The following BABAM2 variants were observed in gnomAD, a reference collection of about 807,000 sequenced individuals.
BABAM2 encodes BRISC and BRCA1-A complex member 2.
BABAM2 carries 31 observed loss-of-function variants against 54.7 expected under a neutral mutation model. That is an observed-to-expected ratio of 0.57 (90% CI 0.43 to 0.77). The LOEUF (loss-of-function observed/expected upper bound fraction) is 0.77, where lower values mean the gene tolerates loss of function less well. Among genes scored for constraint, BABAM2 ranks in the 30% least tolerant of loss-of-function variants. The probability of loss-of-function intolerance (pLI) is 0.00; values close to 1 mark genes in which losing one functional copy is unlikely to be tolerated. For synonymous variants in BABAM2, 167 were observed against 162.9 expected (o/e 1.03, Z -0.19); for missense variants, 364 against 455.8 (o/e 0.80, Z 1.83).
intron 10 of BABAM2, among the ~76,000 whole-genome samples, chr2:28,264,714 C>A (rs1457519780): frequency 6.6e-6 from 1 of 152,122 alleles, no homozygotes; most frequent in Non-Finnish European, 1.5e-5. Context: ...ACCAAGGGGA[C>A]AAAATACTTC....
At chr2:28,211,937 T>C (rs1573853800) in intron 7 of BABAM2, among the ~76,000 whole-genome samples, 2 of 152,198 alleles carry the variant, frequency 1.3e-5, no homozygotes, top group African/African-American at 4.8e-5. Context: ...TAGTGGTTGG[T>C]TTGTTCAAAT....
intron 6 of BABAM2, among the ~76,000 whole-genome samples, chr2:28,090,025 A>T (rs1467064651): frequency 6.6e-6 from 1 of 152,148 alleles, no homozygotes; most frequent in African/African-American, 2.4e-5. Flanking sequence ...ACAAGTTAGC[A>T]GAGCACAGAT....
At chr2:27,973,297 T>G (rs895890454) in intron 3 of BABAM2, among the ~76,000 whole-genome samples, 4 of 152,186 alleles carry the variant, frequency 2.6e-5, no homozygotes. Context: ...ATCTTTTCTT[T>G]CCATATCTCC....
At chr2:28,320,619 G>A (rs113569344) in intron 11 of BABAM2, among the ~76,000 whole-genome samples, 6 of 152,354 alleles carry the variant, frequency 3.9e-5, no homozygotes, top group Non-Finnish European at 5.9e-5. Flanking sequence ...GCAGCCTGCC[G>A]TGGCCAGGCA....
intron 6 of BABAM2, among the ~76,000 whole-genome samples, chr2:28,098,249 A>G (rs576695883): frequency 6.6e-6 from 1 of 152,256 alleles, no homozygotes; most frequent in Non-Finnish European, 1.5e-5. Context: ...TCATCTTTGA[A>G]TAAGTCTCTA....
At chr2:27,902,053 C>G (rs1183954919) in intron 2 of BABAM2, among the ~76,000 whole-genome samples, 3 of 151,788 alleles carry the variant, frequency 2.0e-5, no homozygotes, top group Non-Finnish European at 4.4e-5. Context: ...GTGAATATGC[C>G]CTTAATTTTA....
chr2:28,159,882 GAA>G (rs36074681), intron 7 of BABAM2, among the ~76,000 whole-genome samples: 8 of 138,116 alleles, frequency 5.8e-5, no homozygotes, highest in South Asian at 2.3e-4. Context: ...TCCCCGCCGG[GAA>G]AAAAAAAAAA....
At chr2:28,024,551 A>G (rs1355935705) in intron 4 of BABAM2, among the ~76,000 whole-genome samples, 1 of 152,220 alleles carries the variant, frequency 6.6e-6, no homozygotes, top group Non-Finnish European at 1.5e-5. Context: ...ACGTTGTCTC[A>G]AGGAAAATCC....
intron 8 of BABAM2, among the ~76,000 whole-genome samples, chr2:28,237,933 A>G (rs1263203566): frequency 6.6e-6 from 1 of 151,680 alleles, no homozygotes; most frequent in African/African-American, 2.4e-5. Context: ...GCTGACCGCA[A>G]CCTCCTCCCG....
intron 11 of BABAM2, among the ~76,000 whole-genome samples, chr2:28,334,213 C>T (rs1565326): frequency 0.85 from 129,323 of 152,316 alleles, 55,612 homozygotes; most frequent in East Asian, 0.97. Context: ...GCCTTTAAAA[C>T]GTGCTCCCTT....
intron 4 of BABAM2, among the ~76,000 whole-genome samples, chr2:27,998,423 G>A (rs193024462): frequency 6.6e-5 from 10 of 151,748 alleles, no homozygotes; most frequent in African/African-American, 1.9e-4. Context: ...TTTTATTTCC[G>A]GTGTTTTTCT....
intron 7 of BABAM2, among the ~76,000 whole-genome samples, chr2:28,192,415 T>G (rs1001718294): frequency 4.7e-5 from 7 of 150,418 alleles, no homozygotes; most frequent in African/African-American, 1.7e-4. Context: ...CTGCACGTTG[T>G]GCACATGTAC....
intron 7 of BABAM2, among the ~76,000 whole-genome samples, chr2:28,130,351 T>C (rs1342393678): frequency 6.6e-6 from 1 of 152,194 alleles, no homozygotes; most frequent in African/African-American, 2.4e-5. Flanking sequence ...TACTCAAATA[T>C]GGGAGCTTAT....
chr2:28,002,370 C>T (rs1408385401), intron 4 of BABAM2, among the ~76,000 whole-genome samples: 1 of 152,170 alleles, frequency 6.6e-6, no homozygotes, highest in Non-Finnish European at 1.5e-5. Flanking sequence ...ATAGAATGTG[C>T]TGATGAGCTT....
intron 7 of BABAM2, among the ~76,000 whole-genome samples, chr2:28,172,195 G>A (rs1449420929): frequency 6.6e-6 from 1 of 152,088 alleles, no homozygotes; most frequent in African/African-American, 2.4e-5. Context: ...ATCATCAGAT[G>A]TGTGCATTCA....
At chr2:27,998,760 A>G (rs529785477) in intron 4 of BABAM2, among the ~76,000 whole-genome samples, 15 of 152,314 alleles carry the variant, frequency 9.8e-5, no homozygotes, top group Non-Finnish European at 1.6e-4. Flanking sequence ...TTGATAACTT[A>G]CTAAAAAAAG....
chr2:28,098,014 T>G (rs950487640), intron 6 of BABAM2, among the ~76,000 whole-genome samples: 1 of 152,260 alleles, frequency 6.6e-6, no homozygotes, highest in African/African-American at 2.4e-5. Context: ...TTTCGTAGTT[T>G]GAAACCACTA....
At chr2:28,200,591 A>G (rs768625723) in intron 7 of BABAM2, among the ~76,000 whole-genome samples, 1 of 152,194 alleles carries the variant, frequency 6.6e-6, no homozygotes, top group Non-Finnish European at 1.5e-5. Context: ...TCTATAAGTA[A>G]TAGTTTAAAT....
At chr2:27,899,530 A>G (rs893987708) in intron 2 of BABAM2, among the ~76,000 whole-genome samples, 1 of 151,544 alleles carries the variant, frequency 6.6e-6, no homozygotes, top group Non-Finnish European at 1.5e-5. Context: ...GCTGGAGGGC[A>G]ATGGCGCGAT....
Sources: allele counts gnomAD v4.1 joint callset (sites outside exome capture counted in the v4.1 genomes callset), GRCh38; gene constraint gnomAD v4.1.1; transcripts MANE v1.5; gene names NCBI Gene and HGNC (gene_info 2026-07-23, HGNC 2026-07-21).